Variants in FGF12 observed in about 807,000 individuals in gnomAD.
FGF12 encodes fibroblast growth factor 12B.
A neutral mutation model predicts 23.6 loss-of-function variants in FGF12; 14 were observed. The ratio of observed to expected loss-of-function variants is 0.59; its 90% CI spans 0.39 to 0.93. The LOEUF (loss-of-function observed/expected upper bound fraction) is 0.93, where lower values mean the gene tolerates loss of function less well. Among genes scored for constraint, FGF12 ranks in the 40% least tolerant of loss-of-function variants. The probability of loss-of-function intolerance (pLI) is 0.00; values close to 1 mark genes in which losing one functional copy is unlikely to be tolerated. For synonymous variants in FGF12, 62 were observed against 77.3 expected, an observed-to-expected ratio of 0.80 and a Z score of 1.04; for missense variants, 175 against 217.8, an observed-to-expected ratio of 0.80 and a Z score of 1.24.
At chr3:192,191,329 G>A (rs940222976) in intron 4 of FGF12, among the ~76,000 whole-genome samples, 11 of 152,168 alleles carry the variant, frequency 7.2e-5, no homozygotes, top group African/African-American at 1.9e-4. Flanking sequence ...GTCCACACTC[G>A]CAGAATGTAA....
At chr3:192,530,765 A>G (rs1435608529) in intron 2 of FGF12, among the ~76,000 whole-genome samples, 1 of 152,126 alleles carries the variant, frequency 6.6e-6, no homozygotes, top group East Asian at 1.9e-4. Context: ...TATACTAAGA[A>G]CCACTGAACT....
At chr3:192,311,324 A>G (rs1186457888) in intron 4 of FGF12, among the ~76,000 whole-genome samples, 1 of 152,114 alleles carries the variant, frequency 6.6e-6, no homozygotes, top group East Asian at 1.9e-4. Flanking sequence ...ATCCCCATTC[A>G]GTGCTATACA....
At chr3:192,337,249 T>A (rs1717464583) in intron 3 of FGF12, among the ~76,000 whole-genome samples, 2 of 152,268 alleles carry the variant, frequency 1.3e-5, no homozygotes, top group South Asian at 4.1e-4. Context: ...AAATGGAAGC[T>A]CTGTGTGGCC....
chr3:192,363,889 A>C (rs1377858856), intron 2 of FGF12, among the ~76,000 whole-genome samples: 2 of 152,224 alleles, frequency 1.3e-5, no homozygotes, highest in African/African-American at 2.4e-5. Flanking sequence ...CCAAGATATG[A>C]AGAAAACGAA....
intron 2 of FGF12, among the ~76,000 whole-genome samples, chr3:192,368,404 G>C (rs1351104003): frequency 6.6e-6 from 1 of 152,174 alleles, no homozygotes. Context: ...AATATAAAAG[G>C]ATAGAGCATG....
At chr3:192,697,299 T>C (rs1419615169) in intron 2 of FGF12, among the ~76,000 whole-genome samples, 2 of 152,206 alleles carry the variant, frequency 1.3e-5, no homozygotes, top group East Asian at 1.9e-4. Context: ...TAGACTTGCA[T>C]TGCTTTTGGA....
intron 2 of FGF12, among the ~76,000 whole-genome samples, chr3:192,588,747 G>C (rs1259149970): frequency 6.6e-6 from 1 of 151,964 alleles, no homozygotes; most frequent in Non-Finnish European, 1.5e-5. Context: ...CTGGGAGACA[G>C]TATTTATACC....
intron 4 of FGF12, among the ~76,000 whole-genome samples, chr3:192,189,760 C>T (rs1224747203): frequency 6.6e-6 from 1 of 152,166 alleles, no homozygotes; most frequent in Non-Finnish European, 1.5e-5. Flanking sequence ...CTTCCAAGAT[C>T]ACCATAACCA....
chr3:192,402,551 G>T (rs1372069866), intron 2 of FGF12, among the ~76,000 whole-genome samples: 1 of 152,164 alleles, frequency 6.6e-6, no homozygotes, highest in Admixed American at 6.5e-5. Flanking sequence ...TCAGTGTGGT[G>T]GGAGATAAAA....
At position 192,495,009 on chromosome 3, in the gene FGF12, C is replaced by T. The variant is rs116519199; in HGVS notation, c.14-134471G>A. ...CTGAGTAACTGAGATTACAGGTGCC[C>T]GCCACCTCGCCCGGCCAATTTTTGT... On this transcript the variant is annotated intron_variant, in intron 2 of 5. Transcript: ENST00000445105. 4.2e-3 allele frequency among the ~76,000 whole-genome samples: 640 copies of T among 152,150 alleles called. 1 individual carries two copies. Among genetic ancestry groups the T allele is most frequent in the Non-Finnish European group, 6.3e-3 (425 of 67,996 alleles).
intron 2 of FGF12, among the ~76,000 whole-genome samples, chr3:192,450,867 T>C (rs1489470208): frequency 1.3e-5 from 2 of 152,174 alleles, no homozygotes; most frequent in Non-Finnish European, 2.9e-5. Context: ...AGAACCCTTT[T>C]CCAAAGCATT....
In FGF12 at chr3:192,191,973, A is replaced by G. The variant is rs150156044; in HGVS notation, c.229-21317T>C. On this transcript the variant is annotated intron_variant, in intron 4 of 5. Transcript: ENST00000445105. ...ACTGAATAATTTTTAAGTTCATTTT[A>G]TGTGTTTGTCACATAGGCATGGGAT... is the stretch of plus-strand genomic sequence containing the variant. Among the ~76,000 whole-genome samples the G allele has an allele frequency of 1.9e-4, 29 of 152,358 alleles. 1 individual carries two copies. The East Asian group carries it at 4.6e-3, about 24-fold the overall frequency.
At chr3:192,503,698 C>T (rs1724204767) in intron 2 of FGF12, among the ~76,000 whole-genome samples, 2 of 150,044 alleles carry the variant, frequency 1.3e-5, no homozygotes, top group Admixed American at 1.3e-4. Flanking sequence ...CTCTGCCTCC[C>T]AGGTTCATGC....
intron 5 of FGF12, among the ~76,000 whole-genome samples, chr3:192,145,782 T>C (rs1713663256): frequency 6.6e-6 from 1 of 152,194 alleles, no homozygotes; most frequent in Non-Finnish European, 1.5e-5. Context: ...GTAGATCATA[T>C]AATTTTCAAA....
intron 2 of FGF12, among the ~76,000 whole-genome samples, chr3:192,537,313 T>C (rs893532686): frequency 3.3e-5 from 5 of 152,204 alleles, no homozygotes; most frequent in African/African-American, 9.6e-5. Flanking sequence ...TTTGGGTATA[T>C]ACCTAGTAAT....
At chr3:192,350,391 G>A (rs745417938) in intron 3 of FGF12, among the ~76,000 whole-genome samples, 11 of 152,106 alleles carry the variant, frequency 7.2e-5, no homozygotes, top group Non-Finnish European at 1.0e-4. Context: ...TATTTTAGTA[G>A]TAAGAAGACA....
At chr3:192,610,405 T>C (rs995625860) in intron 2 of FGF12, among the ~76,000 whole-genome samples, 3 of 152,004 alleles carry the variant, frequency 2.0e-5, no homozygotes, top group Admixed American at 6.6e-5. Flanking sequence ...AGGGAGGAAA[T>C]TGTGTGTTCT....
At chr3:192,350,408 A>T (rs180679620) in intron 3 of FGF12, among the ~76,000 whole-genome samples, 1 of 152,304 alleles carries the variant, frequency 6.6e-6, no homozygotes, top group Admixed American at 6.5e-5. Flanking sequence ...GACATAATAA[A>T]ACAAGTAGGT....
chr3:192,315,814 G>A (rs1371468778), intron 4 of FGF12, among the ~76,000 whole-genome samples: 1 of 152,154 alleles, frequency 6.6e-6, no homozygotes, highest in Admixed American at 6.5e-5. Context: ...TCTTCAGAAG[G>A]CCATTGTGTG....
Sources: gnomAD v4.1 joint callset for allele counts (sites outside exome capture counted in the v4.1 genomes callset) on GRCh38, gnomAD v4.1.1 for gene constraint, MANE v1.5 for transcripts, NCBI Gene and HGNC (gene_info 2026-07-23, HGNC 2026-07-21) for gene names.